Variants in RORA observed in about 807,000 individuals in gnomAD.
The protein encoded by RORA is nuclear receptor ROR-alpha.
Under a neutral mutation model 69.5 loss-of-function variants are expected in RORA, and 7 were observed. The observed-to-expected ratio is 0.10, with a 90% CI of 0.06 to 0.19. RORA has a LOEUF of 0.19. Ranked by LOEUF, RORA falls within the 10% of genes least tolerant of loss-of-function variation. The pLI is 1.00. For missense variants in RORA, 457 were observed against 663.0 expected (o/e 0.69, Z 3.41); for synonymous variants, 261 against 240.8 (o/e 1.08, Z -0.78).
At chr15:61,073,258 G>A (rs947533710) in intron 1 of RORA, among the ~76,000 whole-genome samples, 1 of 152,176 alleles carries the variant, frequency 6.6e-6, no homozygotes, top group Non-Finnish European at 1.5e-5. Context: ...CAAGGTAGAG[G>A]GCAGGGCGCA....
At chr15:60,683,425 C>T (rs2070682485) in intron 1 of RORA, among the ~76,000 whole-genome samples, 1 of 152,168 alleles carries the variant, frequency 6.6e-6, no homozygotes, top group African/African-American at 2.4e-5. Flanking sequence ...ATCTATTTCT[C>T]ACTGTAAGAA....
chr15:60,665,377 C>T (rs992665036), intron 2 of RORA, among the ~76,000 whole-genome samples: 3 of 152,254 alleles, frequency 2.0e-5, no homozygotes, highest in Non-Finnish European at 2.9e-5. Flanking sequence ...TCTATAGATT[C>T]GATCATCTGA....
intron 1 of RORA, among the ~76,000 whole-genome samples, chr15:61,090,364 G>A (rs960826180): frequency 1.3e-5 from 2 of 152,170 alleles, no homozygotes; most frequent in Non-Finnish European, 2.9e-5. Context: ...GCCCCTCTGT[G>A]AATATGAATG....
rs192431348 is a variant in RORA at position 60,561,747 on chromosome 15, T to C, written c.197-29896A>G. On this transcript the variant is annotated intron_variant, in intron 2 of 10. Transcript: ENST00000335670. ...AAATAGCTCAGAACCATATGAGCTATATAAGTGATGCAAAATTTATCACGC... is the reference window on the plus strand; with the variant it reads ...AAATAGCTCAGAACCATATGAGCTACATAAGTGATGCAAAATTTATCACGC... Among the ~76,000 whole-genome samples, 399 of 152,202 alleles carry C rather than the reference T, an allele frequency of 2.6e-3. 2 individuals are homozygous for C. The highest frequency in any genetic ancestry group is 9.0e-3 in the African/African-American group (373 of 41,522).
At chr15:61,034,010 T>C (rs1196132451) in intron 1 of RORA, among the ~76,000 whole-genome samples, 2 of 152,244 alleles carry the variant, frequency 1.3e-5, no homozygotes, top group African/African-American at 2.4e-5. Context: ...TAATTTCACC[T>C]ATTTATTTTT....
At chr15:61,088,611 T>C (rs1471437755) in intron 1 of RORA, among the ~76,000 whole-genome samples, 1 of 152,094 alleles carries the variant, frequency 6.6e-6, no homozygotes, top group Non-Finnish European at 1.5e-5. Flanking sequence ...CCAAATCCCA[T>C]AAACCTCATG....
chr15:60,744,086 T>C (rs138572510), intron 1 of RORA, among the ~76,000 whole-genome samples: 2 of 132,304 alleles, frequency 1.5e-5, no homozygotes, highest in African/African-American at 6.3e-5. Context: ...GGAAACTTCC[T>C]TTTTTTTTTT....
intron 1 of RORA, among the ~76,000 whole-genome samples, chr15:60,795,011 C>T (rs758373472): frequency 3.9e-5 from 6 of 152,184 alleles, no homozygotes; most frequent in Non-Finnish European, 8.8e-5. Context: ...CCCCTTCCCA[C>T]TGCTTCTCAA....
At chr15:60,976,149 C>T (rs916269014) in intron 1 of RORA, among the ~76,000 whole-genome samples, 58 of 152,144 alleles carry the variant, frequency 3.8e-4, no homozygotes, top group Non-Finnish European at 4.4e-5. Context: ...ATTGCTGAGC[C>T]GTGGCTCGGA....
chr15:61,219,003 T>G (rs1244776421), intron 1 of RORA, among the ~76,000 whole-genome samples: 1 of 152,172 alleles, frequency 6.6e-6, no homozygotes, highest in Non-Finnish European at 1.5e-5. Flanking sequence ...CATGAGATGC[T>G]CAACTCTATA....
Position 60,827,329 on chromosome 15 carries a change from C to T in RORA, c.167-148643G>A, listed in dbSNP as rs112210879. Among the ~76,000 whole-genome samples the T allele has an allele frequency of 5.5e-3, 830 of 152,226 alleles. 11 individuals are homozygous for T. The highest frequency in any genetic ancestry group is 0.019 in the African/African-American group (797 of 41,522). ...AATGACTTCAAACAATGCGTTAGCT[C>T]GTGGAAATTGAGTCTTGAAAGAACA... is the stretch of plus-strand genomic sequence containing the variant. On this transcript the variant is annotated intron_variant, in intron 1 of 10. Transcript: ENST00000335670.
intron 1 of RORA, among the ~76,000 whole-genome samples, chr15:60,695,605 C>T (rs1266552054): frequency 6.6e-6 from 1 of 152,008 alleles, no homozygotes; most frequent in Non-Finnish European, 1.5e-5. Flanking sequence ...TCCAAGGTAA[C>T]AGAACAAAGA....
chr15:60,637,001 T>G (rs1456731922), intron 2 of RORA, among the ~76,000 whole-genome samples: 1 of 152,120 alleles, frequency 6.6e-6, no homozygotes, highest in East Asian at 1.9e-4. Context: ...TCAGAGTGTT[T>G]AGAATTTTAG....
rs769392598 is a variant in RORA, at chr15:61,229,123, G to A, written c.96C>T (p.Asn32=). The part of the protein sequence containing the change: ...AAAGSRETPL[N]QESARKSEPP... ...GCTCGCTCTTGCGGGCGGATTCCTG[G>A]TTCAGCGGGGTCTCCCTGGAGCCGG... Residue 32 remains asparagine (N), a synonymous_variant, in exon 1 of 11, where the codon AAC becomes AAT. Coordinates refer to ENST00000335670, the MANE Select transcript of RORA (RefSeq NM_134261.3). 1.3e-5 allele frequency: 20 copies of A among 1,541,922 alleles called. No individual in the cohort carries two copies. Among genetic ancestry groups the A allele is most frequent in the South Asian group, 2.4e-5 (2 of 83,876 alleles).
At chr15:60,579,031 T>A (rs1280030194) in intron 2 of RORA, among the ~76,000 whole-genome samples, 1 of 151,428 alleles carries the variant, frequency 6.6e-6, no homozygotes, top group African/African-American at 2.4e-5. Flanking sequence ...CCTCTCAAAG[T>A]GCTGGGATTA....
chr15:61,020,415 C>T (rs1042908710), intron 1 of RORA, among the ~76,000 whole-genome samples: 2 of 152,176 alleles, frequency 1.3e-5, no homozygotes, highest in Non-Finnish European at 2.9e-5. Flanking sequence ...GATTCTAGTT[C>T]GGAATTGCTG....
chr15:60,878,343 C>CAAAAAAA (rs35845582), intron 1 of RORA, among the ~76,000 whole-genome samples: 1 of 68,408 alleles, frequency 1.5e-5, no homozygotes, highest in African/African-American at 5.5e-5. Flanking sequence ...GACTCTGTCT[C>CAAAAAAA]AAAAAAAAAA....
chr15:60,507,020 T>C (rs2065529027), intron 5 of RORA, among the ~76,000 whole-genome samples: 1 of 147,404 alleles, frequency 6.8e-6, no homozygotes, highest in African/African-American at 2.5e-5. Context: ...TCTGGGGAAA[T>C]GGAACAAGCA....
intron 1 of RORA, among the ~76,000 whole-genome samples, chr15:60,961,265 A>T (rs1232556433): frequency 6.6e-6 from 1 of 151,964 alleles, no homozygotes; most frequent in Non-Finnish European, 1.5e-5. Flanking sequence ...ATAAAGCATA[A>T]CTCCTATATC....
Sources: allele counts gnomAD v4.1 joint callset (sites outside exome capture counted in the v4.1 genomes callset), GRCh38; gene constraint gnomAD v4.1.1; transcripts MANE v1.5; gene names NCBI Gene and HGNC (gene_info 2026-07-23, HGNC 2026-07-21).